ATP8A2: variants seen among roughly 807,000 people sequenced by gnomAD.
ATP8A2 encodes the protein phospholipid-transporting ATPase IB.
In ATP8A2, 100 loss-of-function variants were observed where a neutral mutation model predicts 165.6. That is an observed-to-expected ratio of 0.60 (90% CI 0.51 to 0.71). The LOEUF (loss-of-function observed/expected upper bound fraction) is 0.71, where lower values mean the gene tolerates loss of function less well. ATP8A2 is among the 30% of genes least tolerant of loss of function. ATP8A2 has a pLI of 0.00. For missense variants in ATP8A2, 1,227 were observed against 1,479.5 expected, an observed-to-expected ratio of 0.83 and a Z score of 2.80; for synonymous variants, 543 against 548.8, an observed-to-expected ratio of 0.99 and a Z score of 0.15.
chr13:25,576,941 G>T, intron 19 of ATP8A2, 128 bp from the exon 20 acceptor site: 2 of 694,624 alleles, frequency 2.9e-6, no homozygotes, highest in Non-Finnish European at 5.1e-6. Context: ...GAAGAAAAAG[G>T]CAGGGAAAGA....
chr13:25,783,173 A>G (rs2044930292), intron 27 of ATP8A2, among the ~76,000 whole-genome samples: 1 of 152,112 alleles, frequency 6.6e-6, no homozygotes, highest in African/African-American at 2.4e-5. Flanking sequence ...AAGTGCTCTG[A>G]TGGCTGTGTG....
At chr13:25,444,935 G>A (rs2035030406) in intron 1 of ATP8A2, among the ~76,000 whole-genome samples, 2 of 152,144 alleles carry the variant, frequency 1.3e-5, no homozygotes, top group Admixed American at 1.3e-4. Context: ...ACCACACCCG[G>A]CCCCGAGCAT....
intron 2 of ATP8A2, among the ~76,000 whole-genome samples, chr13:25,477,402 AGAG>A (rs2036024985): frequency 6.6e-6 from 1 of 152,234 alleles, no homozygotes; most frequent in African/African-American, 2.4e-5. Context: ...CAGAATTGGA[AGAG>A]ACCCAAGACG....
chr13:25,605,651 T>C (rs2040496552), intron 24 of ATP8A2, among the ~76,000 whole-genome samples: 1 of 152,182 alleles, frequency 6.6e-6, no homozygotes, highest in Non-Finnish European at 1.5e-5. Flanking sequence ...ACAATAGATA[T>C]TCATGTTAAC....
chr13:25,372,403 C>T lies in ATP8A2; in HGVS notation c.76+115C>T, dbSNP rs111956454. ...GCGCCCCGCTCCCCTCCCTGGGCTCCCTGGGCTCTCTGGGCTGCAGGATCC... is the reference window on the plus strand; with the variant it reads ...GCGCCCCGCTCCCCTCCCTGGGCTCTCTGGGCTCTCTGGGCTGCAGGATCC... On this transcript the variant is annotated intron_variant, in intron 1 of 36. Transcript: ENST00000381655. This position sits in a 1 kb window ranked among gnomAD's most constrained non-coding sequence, Gnocchi z 4.8. 5.4e-6 allele frequency: 4 copies of T among 745,228 alleles called. No homozygotes were observed. Among genetic ancestry groups the T allele is most frequent in the East Asian group, 3.7e-5 (1 of 26,832 alleles). 46.2% of individuals were successfully genotyped at this position (745,228 alleles called of 1,614,324 possible). A position where few individuals can be genotyped will look rare whatever the true frequency, so the allele number is the denominator to read the frequency against.
chr13:25,635,948 C>T (rs576578087), intron 24 of ATP8A2, among the ~76,000 whole-genome samples: 1 of 152,288 alleles, frequency 6.6e-6, no homozygotes, highest in East Asian at 1.9e-4. Flanking sequence ...CGCACCCCCT[C>T]CTGTTCTGCG....
At chr13:25,392,186 G>A (rs1041643413) in intron 1 of ATP8A2, among the ~76,000 whole-genome samples, 1 of 152,168 alleles carries the variant, frequency 6.6e-6, no homozygotes, top group Non-Finnish European at 1.5e-5. Context: ...TGTTTCTTTG[G>A]TGCATACTGC....
chr13:25,406,429 T>C (rs1379434891), intron 1 of ATP8A2, among the ~76,000 whole-genome samples: 1 of 152,230 alleles, frequency 6.6e-6, no homozygotes, highest in Non-Finnish European at 1.5e-5. Flanking sequence ...CTTAGAGGCC[T>C]TCCCTGAGCA....
chr13:26,017,126 G>A (rs990104350), intron 36 of ATP8A2, among the ~76,000 whole-genome samples: 6 of 151,570 alleles, frequency 4.0e-5, no homozygotes, highest in Admixed American at 2.6e-4. Flanking sequence ...GCTTCCCACC[G>A]GAAGAGTTTA....
At chr13:25,682,759 T>G (rs2042519352) in intron 24 of ATP8A2, among the ~76,000 whole-genome samples, 1 of 152,110 alleles carries the variant, frequency 6.6e-6, no homozygotes, top group Non-Finnish European at 1.5e-5. Context: ...CATTAAAGCA[T>G]CCCCTGAACT....
chr13:25,386,146 C>T (rs1173872455), intron 1 of ATP8A2, among the ~76,000 whole-genome samples: 1 of 151,954 alleles, frequency 6.6e-6, no homozygotes, highest in East Asian at 1.9e-4. Flanking sequence ...GAACTCCTGG[C>T]CTTAAGTAAT....
chr13:25,865,081 AGCCT>A (rs1233624497), intron 33 of ATP8A2, among the ~76,000 whole-genome samples: 1 of 152,172 alleles, frequency 6.6e-6, no homozygotes, highest in Non-Finnish European at 1.5e-5. Flanking sequence ...AGTCTCAGAA[AGCCT>A]TCCTCCTGGC....
intron 20 of ATP8A2, among the ~76,000 whole-genome samples, chr13:25,578,583 C>T (rs2039683982): frequency 6.6e-6 from 1 of 152,194 alleles, no homozygotes; most frequent in African/African-American, 2.4e-5. Flanking sequence ...TGGTTCTCCC[C>T]AGCATATTTT....
chr13:25,626,761 A>C (rs1364619949), intron 24 of ATP8A2, among the ~76,000 whole-genome samples: 1 of 152,150 alleles, frequency 6.6e-6, no homozygotes, highest in Non-Finnish European at 1.5e-5. Context: ...ATAAAGAAAA[A>C]GAGGTTTAAT....
At chr13:25,879,894 C>G (rs1280979360) in intron 33 of ATP8A2, among the ~76,000 whole-genome samples, 1 of 152,206 alleles carries the variant, frequency 6.6e-6, no homozygotes, top group Non-Finnish European at 1.5e-5. Flanking sequence ...ATTTGCCTAA[C>G]TCAATCGATA....
In ATP8A2 at chr13:25,559,705, TC is replaced by T; in HGVS notation, c.1353-14del. ...TCACAGTTTTGTGACCACTCTGTTT[TC>T]CGTTTCTCTGGCAGTCACTTCCCAG... is the stretch of plus-strand genomic sequence containing the variant. On this transcript the variant is annotated splice_polypyrimidine_tract_variant and intron_variant, in intron 14 of 36. Coordinates refer to ENST00000381655, the MANE Select transcript of ATP8A2 (RefSeq NM_016529.6). The T allele has an allele frequency of 6.2e-7, 1 of 1,611,010 alleles. No individual in the cohort carries two copies. Among genetic ancestry groups the T allele is most frequent in the Non-Finnish European group, 8.5e-7 (1 of 1,177,192 alleles).
intron 27 of ATP8A2, among the ~76,000 whole-genome samples, chr13:25,820,953 T>G (rs971466007): frequency 8.6e-5 from 13 of 152,024 alleles, no homozygotes; most frequent in Admixed American, 1.3e-4. Flanking sequence ...GGGTTTGTTT[T>G]TTTTTTTCTC....
intron 30 of ATP8A2, among the ~76,000 whole-genome samples, chr13:25,852,676 A>C (rs144353128): frequency 2.2e-4 from 34 of 152,294 alleles, no homozygotes; most frequent in African/African-American, 8.2e-4. Context: ...ACTCTCATTT[A>C]CAAAATTTAC....
intron 33 of ATP8A2, among the ~76,000 whole-genome samples, chr13:25,904,422 C>G (rs912887759): frequency 6.6e-6 from 1 of 152,196 alleles, no homozygotes; most frequent in Non-Finnish European, 1.5e-5. Flanking sequence ...GAATCATGCC[C>G]AGACTCAAAG....
Sources: allele counts gnomAD v4.1 joint callset (sites outside exome capture counted in the v4.1 genomes callset), GRCh38; gene constraint gnomAD v4.1.1; non-coding constraint Gnocchi (gnomAD v3.1); transcripts MANE v1.5; gene names NCBI Gene and HGNC (gene_info 2026-07-23, HGNC 2026-07-21).